The following CCSER1 variants were observed in gnomAD, a reference collection of about 807,000 sequenced individuals.
CCSER1 encodes the protein serine-rich coiled-coil domain-containing protein 1.
Under a neutral mutation model 82.0 loss-of-function variants are expected in CCSER1, and 41 were observed. That is an observed-to-expected ratio of 0.50 (90% CI 0.39 to 0.65). CCSER1 has a LOEUF of 0.65. Among genes scored for constraint, CCSER1 ranks in the 30% least tolerant of loss-of-function variants. The pLI is 0.00. For synonymous variants in CCSER1, 414 were observed against 383.9 expected, an observed-to-expected ratio of 1.08 and a Z score of -0.92; for missense variants, 1,119 against 1,064.2, an observed-to-expected ratio of 1.05 and a Z score of -0.72.
chr4:90,339,899 A>G (rs959455741), intron 3 of CCSER1, among the ~76,000 whole-genome samples: 3 of 151,710 alleles, frequency 2.0e-5, no homozygotes, highest in African/African-American at 7.3e-5. Flanking sequence ...AGCATGTACT[A>G]TTTTATATAT....
At chr4:91,189,666 T>C (rs576617785) in intron 10 of CCSER1, among the ~76,000 whole-genome samples, 1 of 152,276 alleles carries the variant, frequency 6.6e-6, no homozygotes, top group South Asian at 2.1e-4. Flanking sequence ...TAGTACTGTT[T>C]TGTTTTTCTT....
intron 10 of CCSER1, among the ~76,000 whole-genome samples, chr4:91,257,864 T>A (rs186787533): frequency 1.3e-5 from 2 of 152,238 alleles, no homozygotes; most frequent in East Asian, 3.9e-4. Context: ...AACATTAAGA[T>A]GGAAATATGT....
chr4:90,353,105 T>G (rs186621076), intron 3 of CCSER1, among the ~76,000 whole-genome samples: 1 of 152,340 alleles, frequency 6.6e-6, no homozygotes, highest in African/African-American at 2.4e-5. Flanking sequence ...CTCTTCCCAC[T>G]TCCTTCCCTG....
At chr4:90,530,378 T>G (rs898649628) in intron 5 of CCSER1, among the ~76,000 whole-genome samples, 2 of 152,108 alleles carry the variant, frequency 1.3e-5, no homozygotes, top group Non-Finnish European at 2.9e-5. Context: ...AACAGGCTCT[T>G]GACACAGTCA....
chr4:90,367,650 GA>G (rs1214433486), intron 3 of CCSER1, among the ~76,000 whole-genome samples: 1 of 151,784 alleles, frequency 6.6e-6, no homozygotes, highest in Non-Finnish European at 1.5e-5. Context: ...GGAAAAAAAT[GA>G]AACAGAAAGA....
intron 10 of CCSER1, among the ~76,000 whole-genome samples, chr4:91,404,459 G>A (rs993763384): frequency 6.6e-6 from 1 of 152,106 alleles, no homozygotes; most frequent in South Asian, 2.1e-4. Context: ...GTTTGCTCTT[G>A]CTTCTCTAGT....
At chr4:90,531,310 A>C (rs1390774260) in intron 5 of CCSER1, among the ~76,000 whole-genome samples, 1 of 152,038 alleles carries the variant, frequency 6.6e-6, no homozygotes, top group Non-Finnish European at 1.5e-5. Context: ...AGACCTTAAA[A>C]ATCTCAAAAA....
intron 7 of CCSER1, among the ~76,000 whole-genome samples, chr4:90,815,203 C>T (rs990636642): frequency 2.6e-5 from 4 of 151,922 alleles, no homozygotes; most frequent in Admixed American, 6.6e-5. Flanking sequence ...CACTTTTAAA[C>T]CATCAGATCT....
intron 8 of CCSER1, among the ~76,000 whole-genome samples, chr4:90,922,809 C>T (rs919814205): frequency 3.9e-5 from 6 of 152,058 alleles, no homozygotes; most frequent in Non-Finnish European, 7.4e-5. Context: ...ATCGTAGTTT[C>T]GCATTTGAAA....
At chr4:90,648,278 A>G (rs111424957) in intron 6 of CCSER1, among the ~76,000 whole-genome samples, 15 of 112,024 alleles carry the variant, frequency 1.3e-4, no homozygotes, top group South Asian at 5.9e-4. Context: ...GAGAGAGAGA[A>G]AGAAAGGAAA....
chr4:90,176,908 T>G (rs1037955943), intron 1 of CCSER1, among the ~76,000 whole-genome samples: 2 of 152,094 alleles, frequency 1.3e-5, no homozygotes, highest in African/African-American at 4.8e-5. Context: ...GCAAGTCATA[T>G]TCCCCTATTT....
At chr4:90,546,343 T>TA (rs1776738689) in intron 5 of CCSER1, among the ~76,000 whole-genome samples, 1 of 152,116 alleles carries the variant, frequency 6.6e-6, no homozygotes, top group African/African-American at 2.4e-5. Context: ...AATTCTTAGA[T>TA]AAAATGTGGT....
chr4:91,342,741 T>C (rs1747799240), intron 10 of CCSER1, among the ~76,000 whole-genome samples: 1 of 152,118 alleles, frequency 6.6e-6, no homozygotes, highest in African/African-American at 2.4e-5. Context: ...CCTTCTAAAA[T>C]GTTTCAATTA....
intron 10 of CCSER1, among the ~76,000 whole-genome samples, chr4:91,322,863 C>CT (rs1746290264): frequency 6.6e-6 from 1 of 151,992 alleles, no homozygotes; most frequent in Admixed American, 6.6e-5. Context: ...AGAAAAGGGG[C>CT]TTTTTGATCA....
intron 6 of CCSER1, among the ~76,000 whole-genome samples, chr4:90,713,005 C>T (rs1231193095): frequency 6.6e-6 from 1 of 150,484 alleles, no homozygotes; most frequent in Non-Finnish European, 1.5e-5. Context: ...GGTAAATTTT[C>T]CTCCATCCCT....
At chr4:91,284,639 T>C (rs1202450142) in intron 10 of CCSER1, among the ~76,000 whole-genome samples, 1 of 152,106 alleles carries the variant, frequency 6.6e-6, no homozygotes, top group Non-Finnish European at 1.5e-5. Context: ...TCCATGTCTT[T>C]CCTCTTTTCC....
chr4:90,744,972 T>G (rs1462557090), intron 7 of CCSER1, among the ~76,000 whole-genome samples: 1 of 151,126 alleles, frequency 6.6e-6, no homozygotes, highest in Non-Finnish European at 1.5e-5. Flanking sequence ...TATATATATA[T>G]GTACTGCTAT....
At chr4:90,354,697 C>A (rs1365325844) in intron 3 of CCSER1, among the ~76,000 whole-genome samples, 1 of 152,044 alleles carries the variant, frequency 6.6e-6, no homozygotes, top group African/African-American at 2.4e-5. Flanking sequence ...TGATGGTTCT[C>A]GTGCTAGGTA....
intron 5 of CCSER1, among the ~76,000 whole-genome samples, chr4:90,486,410 C>T (rs182724718): frequency 7.2e-5 from 11 of 152,308 alleles, no homozygotes; most frequent in Non-Finnish European, 1.5e-4. Context: ...TCTACATTTA[C>T]CCCTTGAGTG....
Sources: allele counts gnomAD v4.1 joint callset (sites outside exome capture counted in the v4.1 genomes callset), GRCh38; gene constraint gnomAD v4.1.1; transcripts MANE v1.5; gene names NCBI Gene and HGNC (gene_info 2026-07-23, HGNC 2026-07-21).